The following IGHMBP2 variants were observed in gnomAD, a reference collection of about 807,000 sequenced individuals.
IGHMBP2 encodes immunoglobulin mu DNA binding protein 2.
In IGHMBP2, 81 loss-of-function variants were observed where a neutral mutation model predicts 96.0. The ratio of observed to expected loss-of-function variants is 0.84; its 90% confidence interval spans 0.71 to 1.01. The LOEUF is 1.01. Ranked by LOEUF, IGHMBP2 falls within the 50% of genes least tolerant of loss-of-function variation. IGHMBP2 has a pLI of 0.00. For missense variants in IGHMBP2, 1,227 were observed against 1,306.3 expected (o/e 0.94, Z 0.94); for synonymous variants, 557 against 548.9 (o/e 1.01, Z -0.21).
rs755634860 is a variant in IGHMBP2 at position 68,911,558 on chromosome 11, G to A, written c.666G>A (p.Thr222=). ...IHGPPGTGKT[T]TVVEIILQAV... ...GACCTCCTGGCACTGGGAAAACCAC[G>A]ACTGTGGTTGAGATCATTCTTCAAG... Residue 222 remains threonine (T), a synonymous_variant, in exon 5 of 15, where the codon ACG becomes ACA. Transcript: ENST00000255078. 2.9e-5 allele frequency: 47 copies of A among 1,614,144 alleles called. No individual in the cohort carries two copies. The highest frequency in any genetic ancestry group is 4.0e-5 in the Non-Finnish European group (47 of 1,180,004).
chr11:68,933,962 G>A, intron 10 of IGHMBP2, 49 bp downstream of exon 10: 1 of 1,261,746 alleles, frequency 7.9e-7, no homozygotes, highest in Non-Finnish European at 1.1e-6. Context: ...CATACCTCCA[G>A]CTCTTTAAAA....
At position 68,938,228 on chromosome 11, in the gene IGHMBP2, G is replaced by A. The variant is rs772760172; in HGVS notation, c.2658G>A (p.Leu886=). ...DLPTEEDFEA[L]VSAAVKADNT... ...CCACGGAGGAGGACTTTGAGGCCCT[G>A]GTTTCTGCCGCCGTTAAGGCTGATA... Residue 886 remains leucine (L), a synonymous_variant, in exon 14 of 15, where the codon CTG becomes CTA. Transcript: ENST00000255078. 4 of 1,614,080 alleles carry A rather than the reference G, an allele frequency of 2.5e-6. No individual in the cohort carries two copies. The Admixed American group carries it at 5.0e-5, about 20-fold the overall frequency.
At chr11:68,921,601 A>G (rs1211068603) in intron 7 of IGHMBP2, among the ~76,000 whole-genome samples, 1 of 152,196 alleles carries the variant, frequency 6.6e-6, no homozygotes, top group Non-Finnish European at 1.5e-5. Context: ...TCTTATACGC[A>G]TATTCTAAGA....
chr11:68,929,393 C>T (rs1449504146), intron 8 of IGHMBP2, 36 bp downstream of exon 8: 3 of 1,587,718 alleles, frequency 1.9e-6, no homozygotes, highest in East Asian at 4.5e-5. Flanking sequence ...CTTCTCTGCC[C>T]CCGCCCTCCT....
chr11:68,906,988 G>A (rs957105654), intron 2 of IGHMBP2, among the ~76,000 whole-genome samples: 5 of 151,800 alleles, frequency 3.3e-5, no homozygotes, highest in African/African-American at 1.2e-4. Context: ...AAAACTACAC[G>A]TGACTGGGTG....
At chr11:68,913,115 A>G (rs1467963732) in intron 5 of IGHMBP2, among the ~76,000 whole-genome samples, 1 of 150,662 alleles carries the variant, frequency 6.6e-6, no homozygotes, top group Non-Finnish European at 1.5e-5. Flanking sequence ...AATGCCCAGC[A>G]CTCAGAGTGG....
chr11:68,911,178 C>T (rs949109499), intron 4 of IGHMBP2, among the ~76,000 whole-genome samples: 1 of 152,132 alleles, frequency 6.6e-6, no homozygotes, highest in African/African-American at 2.4e-5. Flanking sequence ...GTATGTAAAT[C>T]AATGGGTGTG....
In IGHMBP2 at chr11:68,914,856, G is replaced by A; in HGVS notation, c.745G>A (p.Asp249Asn). 1 of 1,614,240 alleles carries A rather than the reference G, an allele frequency of 6.2e-7. No individual in the cohort carries two copies. Among genetic ancestry groups the A allele is most frequent in the Non-Finnish European group, 8.5e-7 (1 of 1,180,052 alleles). ...CTGCGCCCCCTCCAACATCGCCGTG[G>A]ACAATCTGGTGGAGCGCCTGGCTCT... ...LCCAPSNIAV[D>N]NLVERLALCK... The change falls in exon 6 of 15, where the codon GAC (aspartate) becomes AAC (asparagine). Residue 249 changes from aspartate (D) to asparagine (N), a missense_variant. Asp to Asn is a conservative substitution (Grantham distance 23, BLOSUM62 1). Transcript: ENST00000255078.
rs565249784 is a variant in IGHMBP2, at chr11:68,922,316, C to CA, written c.1060+4444dup. Among the ~76,000 whole-genome samples, 83 of 138,876 alleles carry CA rather than the reference C, an allele frequency of 6.0e-4. 1 individual carries two copies. Among genetic ancestry groups the CA allele is most frequent in the Admixed American group, 9.4e-4 (13 of 13,886 alleles). The allele number at this position is 138,876 out of a possible 152,430, so 91.1% of individuals were successfully genotyped here. ...TGGACGACAGAGCCAGACTCCGTCT[C>CA]AAAAAAAAAAAGAAAGAAAATGATG... On this transcript the variant is annotated intron_variant, in intron 7 of 14. Transcript: ENST00000255078.
chr11:68,928,653 C>T (rs1859158939), intron 7 of IGHMBP2, among the ~76,000 whole-genome samples: 1 of 152,162 alleles, frequency 6.6e-6, no homozygotes, highest in South Asian at 2.1e-4. Flanking sequence ...AGGCCCCACA[C>T]TGTTGGCTGG....
chr11:68,904,052 C>T lies in IGHMBP2; in HGVS notation c.86+14C>T. The T allele has an allele frequency of 6.5e-7, 1 of 1,545,342 alleles. No individual in the cohort carries two copies. The highest frequency in any genetic ancestry group is 2.0e-5 in the Admixed American group (1 of 50,990). On this transcript the variant is annotated intron_variant, in intron 1 of 14. Transcript: ENST00000255078. ...GGAGGAGCGCAGGTACGGGAGGCCG[C>T]CGGCGCCGCTCCCTCGCGGTCGGTC... is the stretch of plus-strand genomic sequence containing the variant.
intron 1 of IGHMBP2, among the ~76,000 whole-genome samples, chr11:68,905,493 T>C (rs988225463): frequency 6.6e-6 from 1 of 152,146 alleles, no homozygotes; most frequent in Non-Finnish European, 1.5e-5. Context: ...TGGCAGTGGC[T>C]CTTTCTGAGG....
At chr11:68,930,064 C>T in intron 8 of IGHMBP2, 1 of 1,164,648 alleles carries the variant, frequency 8.6e-7, no homozygotes, top group South Asian at 1.8e-5. Context: ...ACCACTCCTG[C>T]CTGGGTGTGG....
Position 68,915,011 on chromosome 11 carries a change from C to T in IGHMBP2, c.900C>T (p.Ile300=), listed in dbSNP as rs750403781. Residue 300 remains isoleucine (I), a synonymous_variant, in exon 6 of 15, where the codon ATC becomes ATT. Coordinates refer to ENST00000255078, the MANE Select transcript of IGHMBP2 (RefSeq NM_002180.3). ...TTGTTGCAGATATCAGGAAGGACAT[C>T]GACCAGGTCTTTGTAGGTGTCATGG... is the stretch of plus-strand genomic sequence containing the variant. ...AQIVADIRKD[I]DQVFVKNKKT... 26 of 1,613,838 alleles carry T rather than the reference C, an allele frequency of 1.6e-5. No individual in the cohort carries two copies. The highest frequency in any genetic ancestry group is 2.2e-5 in the South Asian group (2 of 91,070).
chr11:68,934,284 AGT>A, intron 10 of IGHMBP2, 178 bp from the exon 11 acceptor site: 2 of 676,208 alleles, frequency 3.0e-6, no homozygotes, highest in Non-Finnish European at 5.4e-6. Flanking sequence ...GTGAAATTCA[AGT>A]TAGCTGGGCA....
Position 68,917,871 on chromosome 11 carries a change from G to C in IGHMBP2, c.1048G>C (p.Ala350Pro), listed in dbSNP as rs371984479. 6.2e-7 allele frequency: 1 copy of C among 1,614,114 alleles called. No individual in the cohort carries two copies. The highest frequency in any genetic ancestry group is 1.3e-5 in the African/African-American group (1 of 75,058). Residue 350 changes from alanine (A) to proline (P), a missense_variant, in exon 7 of 15, where the codon GCA becomes CCA. Ala to Pro is a conservative substitution (Grantham distance 27). Transcript: ENST00000255078. ...CCTCACTTCGGCAAACGTGGTCCTT[G>C]CAACAAACACAGGTGAGGGGGCGTC... is the stretch of plus-strand genomic sequence containing the variant. ...ESLTSANVVL[A>P]TNTGASADGP...
Position 68,933,399 on chromosome 11 carries a change from C to T in IGHMBP2, c.1336C>T (p.Gln446Ter), listed in dbSNP as rs372181708. ...RTLTVQYRMH[Q>*]AIMRWASDTM... Reference sequence around the variant, plus strand: ...ACTGACGGTGCAGTACCGCATGCACCAGGCTATCATGCGCTGGGCCTCAGA... The same window carrying T: ...ACTGACGGTGCAGTACCGCATGCACTAGGCTATCATGCGCTGGGCCTCAGA... The change falls in exon 9 of 15, where the codon CAG becomes TAG. Residue 446 changes from glutamine to a stop codon, truncating the protein, a stop_gained. Coordinates refer to ENST00000255078, the MANE Select transcript of IGHMBP2 (RefSeq NM_002180.3). LOFTEE classifies it high-confidence loss of function. 5.6e-6 allele frequency: 9 copies of T among 1,613,196 alleles called. No homozygotes were observed. The highest frequency in any genetic ancestry group is 7.6e-6 in the Non-Finnish European group (9 of 1,179,854).
chr11:68,911,683 C>T, intron 5 of IGHMBP2, 80 bp downstream of exon 5: 1 of 1,344,030 alleles, frequency 7.4e-7, no homozygotes. Context: ...AGCGACCTTT[C>T]AGCCTCAGTT....
chr11:68,904,161 G>T, intron 1 of IGHMBP2, 123 bp downstream of exon 1: 1 of 818,526 alleles, frequency 1.2e-6, no homozygotes. Context: ...TCGAGTCAGG[G>T]GCAGGGATCG....
Sources: gnomAD v4.1 joint callset for allele counts (sites outside exome capture counted in the v4.1 genomes callset) on GRCh38, gnomAD v4.1.1 for gene constraint, MANE v1.5 for transcripts, NCBI Gene and HGNC (gene_info 2026-07-23, HGNC 2026-07-21) for gene names.